USP53: variants seen among roughly 807,000 people sequenced by gnomAD.
USP53 encodes the protein ubiquitin specific peptidase 53.
A neutral mutation model predicts 94.9 loss-of-function variants in USP53; 71 were observed. The observed-to-expected ratio is 0.75, with a 90% CI of 0.62 to 0.91. The LOEUF is 0.91. Ranked by LOEUF, USP53 falls within the 40% of genes least tolerant of loss-of-function variation. The probability of loss-of-function intolerance (pLI) is 0.00; values close to 1 mark genes in which losing one functional copy is unlikely to be tolerated. For missense variants in USP53, 1,173 were observed against 1,281.0 expected, an observed-to-expected ratio of 0.92 and a Z score of 1.29; for synonymous variants, 375 against 422.7, an observed-to-expected ratio of 0.89 and a Z score of 1.39.
rs28718921 is a variant in USP53 at position 119,212,762 on chromosome 4, G to A, written c.-1053G>A. ...TGGCAGCAGTCAGTGTGTCTGGCGG[G>A]TGTCGGCGTGAAGCGGGGCTGGGCC... On this transcript the variant is annotated 5_prime_UTR_variant, in exon 1 of 19. The change creates a new upstream start codon in the 5' untranslated region. Transcript: ENST00000692078. 2.5e-5 allele frequency: 8 copies of A among 316,208 alleles called. No individual in the cohort carries two copies. Among genetic ancestry groups the A allele is most frequent in the African/African-American group, 1.7e-4 (8 of 46,300 alleles). The allele number at this position is 316,208 out of a possible 1,614,324, so 19.6% of individuals were successfully genotyped here.
At chr4:119,228,278 C>T (rs1366895602) in intron 3 of USP53, among the ~76,000 whole-genome samples, 3 of 152,228 alleles carry the variant, frequency 2.0e-5, no homozygotes, top group South Asian at 4.1e-4. Context: ...GTTCCTGTTT[C>T]TTTGTTAGCT....
At chr4:119,248,726 T>G (rs1257652083) in intron 6 of USP53, 22 bp from the exon 7 acceptor site, 4 of 1,605,894 alleles carry the variant, frequency 2.5e-6, no homozygotes, top group South Asian at 2.2e-5. Context: ...TTAAACTTAC[T>G]GATTTTCTTG....
intron 1 of USP53, among the ~76,000 whole-genome samples, chr4:119,213,641 G>GATATATTATATATATATATATAT (rs1553961986): frequency 1.8e-5 from 2 of 108,114 alleles, no homozygotes; most frequent in African/African-American, 8.4e-5. Flanking sequence ...TCTGGAAATA[G>GATATATTATATATATATATATAT]ATATATATAT....
intron 1 of USP53, among the ~76,000 whole-genome samples, chr4:119,213,434 C>G (rs1743157271): frequency 1.3e-5 from 2 of 151,752 alleles, no homozygotes; most frequent in South Asian, 4.2e-4. Flanking sequence ...GGGCGGCTTA[C>G]GGGGCATTTA....
chr4:119,239,846 C>G lies in USP53; in HGVS notation c.87C>G (p.Thr29=). The G allele has an allele frequency of 1.2e-6, 2 of 1,612,292 alleles. No homozygotes were observed. The highest frequency in any genetic ancestry group is 1.7e-6 in the Non-Finnish European group (2 of 1,179,158). Reference sequence around the variant, plus strand: ...GAAGTATGCTATCACTAGCCCCTACCAAAGGCTTGTTAAATGAACCAGGAC... The same window carrying G: ...GAAGTATGCTATCACTAGCCCCTACGAAAGGCTTGTTAAATGAACCAGGAC... ...QPGSMLSLAP[T]KGLLNEPGQN... is the part of the protein sequence containing the mutation. The change falls in exon 5 of 19, where the codon ACC becomes ACG. Residue 29 remains threonine, a synonymous_variant. Coordinates refer to ENST00000692078, the MANE Select transcript of USP53 (RefSeq NM_001371395.1).
intron 12 of USP53, among the ~76,000 whole-genome samples, chr4:119,265,561 C>A (rs1751015169): frequency 6.6e-6 from 1 of 152,118 alleles, no homozygotes; most frequent in Non-Finnish European, 1.5e-5. Flanking sequence ...ATCCCAGCTA[C>A]TCAGGAGATG....
In USP53 at chr4:119,269,702, C is replaced by A; in HGVS notation, c.1300C>A (p.His434Asn). Residue 434 changes from histidine (H) to asparagine (N), a missense_variant, in exon 15 of 19, where the codon CAC becomes AAC. Physicochemically the swap from His to Asn is moderately conservative, Grantham distance 68 (BLOSUM62 1). Transcript: ENST00000692078. ...GATTTCTTTTACAGCTAAGTTAAGT[C>A]ACATTGATCAAAGGGAAAAGATAAA... ...GVGKGPAKLS[H>N]IDQREKIKDI... 1 of 1,450,900 alleles carries A rather than the reference C, an allele frequency of 6.9e-7. No homozygotes were observed. The highest frequency in any genetic ancestry group is 1.6e-5 in the South Asian group (1 of 60,734). The allele number at this position is 1,450,900 out of a possible 1,614,324, so 89.9% of individuals were successfully genotyped here.
rs1751909616 is a variant in USP53, at chr4:119,271,815, G to A, written c.1955G>A (p.Ser652Asn). ...GATGAAATGAAGCAGGAAATAGGAAGCAGAAGTTCCCTTGAATCTAATGGA... is the reference window on the plus strand; with the variant it reads ...GATGAAATGAAGCAGGAAATAGGAAACAGAAGTTCCCTTGAATCTAATGGA... ...YEDEMKQEIGSRSSLESNGKG... is the reference protein window; with the variant it reads ...YEDEMKQEIGNRSSLESNGKG... Residue 652 changes from serine to asparagine, a missense_variant, in exon 16 of 19, where the codon AGC becomes AAC. By Grantham distance (46) the Ser-to-Asn change is conservative. Coordinates refer to ENST00000692078, the MANE Select transcript of USP53 (RefSeq NM_001371395.1). 1.2e-6 allele frequency: 2 copies of A among 1,612,770 alleles called. No homozygotes were observed. The highest frequency in any genetic ancestry group is 1.7e-6 in the Non-Finnish European group (2 of 1,179,738).
rs890770874 is a variant in USP53 at position 119,214,174 on chromosome 4, T to C, written c.-837T>C. ...CAAAACTTACTCTGCAAAAGTAATA[T>C]ATGATTTACCTGCTGTTGTCATAAG... is the stretch of plus-strand genomic sequence containing the variant. On this transcript the variant is annotated 5_prime_UTR_variant, in exon 2 of 19. Coordinates refer to ENST00000692078, the MANE Select transcript of USP53 (RefSeq NM_001371395.1). 2 of 147,072 alleles carry C rather than the reference T, an allele frequency of 1.4e-5. No individual in the cohort carries two copies. The allele number at this position is 147,072 out of a possible 1,614,324, so 9.1% of individuals were successfully genotyped here. A position where few individuals can be genotyped will look rare whatever the true frequency, so the allele number is the denominator to read the frequency against.
chr4:119,268,362 T>TA lies in USP53; in HGVS notation c.1230_1231insA (p.Asp411ArgfsTer2). The TA allele has an allele frequency of 6.2e-7, 1 of 1,614,004 alleles. No homozygotes were observed. The highest frequency in any genetic ancestry group is 8.5e-7 in the Non-Finnish European group (1 of 1,179,940). ...AGAGAGAAAATCAGAAATTTCCAAC[T>TA]GATAATATTTCATCATCTAATCGGA... On this transcript the variant is annotated frameshift_variant, in exon 14 of 19. Transcript: ENST00000692078. LOFTEE classifies it high-confidence loss of function.
chr4:119,271,228 A>G (rs1751814483), intron 15 of USP53, 68 bp from the exon 16 acceptor site: 1 of 1,499,860 alleles, frequency 6.7e-7, no homozygotes, highest in East Asian at 2.3e-5. Context: ...TCTAACAGGT[A>G]TTTGCCTTGT....
intron 15 of USP53, 184 bp from the exon 16 acceptor site, chr4:119,271,112 C>G: frequency 3.1e-6 from 2 of 639,292 alleles, no homozygotes; most frequent in Non-Finnish European, 3.9e-6. Context: ...TACAAATACC[C>G]CTCATTAAGC....
At chr4:119,255,058 C>T (rs1749569785) in intron 7 of USP53, among the ~76,000 whole-genome samples, 1 of 152,154 alleles carries the variant, frequency 6.6e-6, no homozygotes, top group African/African-American at 2.4e-5. Flanking sequence ...GTGGAGGCTG[C>T]ACAACAGCAA....
rs1743656395 is a variant in USP53 at position 119,215,794 on chromosome 4, A to G, written c.-789+1572A>G. 2.0e-5 allele frequency among the ~76,000 whole-genome samples: 3 copies of G among 152,214 alleles called. No homozygotes were observed. In the South Asian group the frequency reaches 6.2e-4, roughly 32 times the overall value. On this transcript the variant is annotated intron_variant, in intron 2 of 18. Coordinates refer to ENST00000692078, the MANE Select transcript of USP53 (RefSeq NM_001371395.1). ...TGAGACTTCAGAAGAGTTGCTTCAT[A>G]TACTCTGCAGTTCATCAGAATTTTT...
At position 119,278,249 on chromosome 4, in the gene USP53, T is replaced by C. The variant is rs543995584; in HGVS notation, c.2251+4541T>C. On this transcript the variant is annotated intron_variant, in intron 17 of 18. Transcript: ENST00000692078. ...TGCAGCGGCTGGTACCGGTTGTTCC[T>C]TTCCATGTTTAGCGCTTCCTTCAGG... Among the ~76,000 whole-genome samples, 6 of 151,186 alleles carry C rather than the reference T, an allele frequency of 4.0e-5. No individual in the cohort carries two copies. In the South Asian group the frequency reaches 1.3e-3, roughly 32 times the overall value.
chr4:119,274,554 C>T (rs1006051730), intron 17 of USP53, among the ~76,000 whole-genome samples: 1 of 151,984 alleles, frequency 6.6e-6, no homozygotes, highest in Non-Finnish European at 1.5e-5. Flanking sequence ...CCGCAATAAA[C>T]ATACGTGTAC....
intron 11 of USP53, among the ~76,000 whole-genome samples, chr4:119,261,118 C>T (rs1750470423): frequency 6.6e-6 from 1 of 151,884 alleles, no homozygotes; most frequent in Admixed American, 6.6e-5. Context: ...CACCACCATA[C>T]CCAGCTAATT....
chr4:119,260,897 G>T (rs1381536726), intron 11 of USP53, among the ~76,000 whole-genome samples: 1 of 144,752 alleles, frequency 6.9e-6, no homozygotes, highest in African/African-American at 2.5e-5. Context: ...TATAAATATT[G>T]TTAACTTAGA....
chr4:119,269,950 T>G (rs1176485605), intron 15 of USP53, 113 bp downstream of exon 15: 5 of 414,948 alleles, frequency 1.2e-5, no homozygotes, highest in Non-Finnish European at 1.7e-5. Context: ...ATATTAAAAA[T>G]ACATAAATAT....
Sources: allele counts gnomAD v4.1 joint callset (sites outside exome capture counted in the v4.1 genomes callset), GRCh38; gene constraint gnomAD v4.1.1; transcripts MANE v1.5; gene names NCBI Gene and HGNC (gene_info 2026-07-23, HGNC 2026-07-21).